The following ARHGEF10 variants were observed in gnomAD, a reference collection of about 807,000 sequenced individuals.
ARHGEF10 encodes Rho guanine nucleotide exchange factor (GEF) 10.
ARHGEF10 carries 140 observed loss-of-function variants against 147.4 expected under a neutral mutation model. The observed-to-expected ratio is 0.95, with a 90% CI of 0.83 to 1.09. ARHGEF10 has a LOEUF of 1.09. ARHGEF10 is among the 50% of genes least tolerant of loss of function. The pLI, the probability that ARHGEF10 is intolerant of heterozygous loss-of-function variation, is 0.00. For missense variants in ARHGEF10, 2,222 were observed against 1,752.7 expected (o/e 1.27, Z -4.78); for synonymous variants, 902 against 695.8 (o/e 1.30, Z -4.67).
At chr8:1,876,433 G>T (rs1260085084) in intron 7 of ARHGEF10, 138 bp from the exon 8 acceptor site, 15 of 920,414 alleles carry the variant, frequency 1.6e-5, no homozygotes, top group East Asian at 7.5e-5. Context: ...CAAGCCCGGG[G>T]CTCCGCAGGG....
chr8:1,874,005 C>T (rs776065013), intron 7 of ARHGEF10, among the ~76,000 whole-genome samples: 1 of 152,222 alleles, frequency 6.6e-6, no homozygotes, highest in African/African-American at 2.4e-5. Context: ...TAAGGGCCAA[C>T]GACAAGATTG....
chr8:1,879,171 C>G (rs965038594), intron 8 of ARHGEF10, among the ~76,000 whole-genome samples: 1 of 152,178 alleles, frequency 6.6e-6, no homozygotes, highest in East Asian at 1.9e-4. Context: ...TGCCCCGAGA[C>G]GAGCCAGTGG....
chr8:1,956,535 C>A (rs1029804853), intron 28 of ARHGEF10, among the ~76,000 whole-genome samples: 1 of 152,166 alleles, frequency 6.6e-6, no homozygotes, highest in African/African-American at 2.4e-5. Context: ...TTTAGAAAAT[C>A]ATTTTTAAAG....
Position 1,929,518 on chromosome 8 carries a change from C to A in ARHGEF10, c.3079+75C>A. ...GGACTGTGCATCCGGTTTAGCCTCC[C>A]CACCTCCCCACCGGCCTCCTGCCTC... On this transcript the variant is annotated intron_variant, in intron 25 of 28. Transcript: ENST00000349830. 4 of 1,498,174 alleles carry A rather than the reference C, an allele frequency of 2.7e-6. No individual in the cohort carries two copies. In the South Asian group the frequency reaches 4.0e-5, roughly 15 times the overall value. 92.8% of individuals were successfully genotyped at this position (1,498,174 alleles called of 1,614,324 possible).
chr8:1,934,551 A>T (rs1276449698), intron 26 of ARHGEF10, among the ~76,000 whole-genome samples: 1 of 152,178 alleles, frequency 6.6e-6, no homozygotes, highest in Non-Finnish European at 1.5e-5. Context: ...GACTTAGGGA[A>T]AATTTGCATT....
chr8:1,872,721 G>C (rs1294924250), intron 7 of ARHGEF10, among the ~76,000 whole-genome samples: 1 of 152,176 alleles, frequency 6.6e-6, no homozygotes. Flanking sequence ...GCTGAATTAA[G>C]GACGTGTTCT....
chr8:1,905,240 A>T (rs1445528841), intron 16 of ARHGEF10, among the ~76,000 whole-genome samples: 1 of 143,090 alleles, frequency 7.0e-6, no homozygotes, highest in Non-Finnish European at 1.5e-5. Context: ...TCAGTGAAGT[A>T]AAATATGGCC....
intron 12 of ARHGEF10, 89 bp from the exon 13 acceptor site, chr8:1,894,304 C>A: frequency 1.4e-6 from 2 of 1,384,350 alleles, no homozygotes; most frequent in East Asian, 4.7e-5. Flanking sequence ...GAGCCATGAT[C>A]GCACCACTGC....
At chr8:1,848,882 C>G (rs752405135) in intron 2 of ARHGEF10, among the ~76,000 whole-genome samples, 1 of 151,984 alleles carries the variant, frequency 6.6e-6, no homozygotes, top group Admixed American at 6.6e-5. Flanking sequence ...CCTGACAAAC[C>G]TAGGCAGCAC....
chr8:1,830,707 T>A (rs917335991), intron 1 of ARHGEF10, among the ~76,000 whole-genome samples: 1 of 152,124 alleles, frequency 6.6e-6, no homozygotes, highest in African/African-American at 2.4e-5. Context: ...AAAGATGATT[T>A]AAGAAGTAAA....
chr8:1,832,002 G>A (rs1803139791), intron 1 of ARHGEF10, among the ~76,000 whole-genome samples: 1 of 152,160 alleles, frequency 6.6e-6, no homozygotes, highest in African/African-American at 2.4e-5. Flanking sequence ...GGGTGTGGCC[G>A]CTGGGGACTG....
At chr8:1,941,434 G>C (rs1446259338) in intron 26 of ARHGEF10, among the ~76,000 whole-genome samples, 2 of 152,140 alleles carry the variant, frequency 1.3e-5, no homozygotes, top group African/African-American at 4.8e-5. Context: ...AAAACTACAA[G>C]ACATCATTCA....
intron 9 of ARHGEF10, among the ~76,000 whole-genome samples, chr8:1,881,818 G>T (rs775939381): frequency 6.6e-6 from 1 of 152,218 alleles, no homozygotes; most frequent in Non-Finnish European, 1.5e-5. Context: ...CAGCTGCACT[G>T]CTGGTCCCTT....
chr8:1,926,625 C>A, intron 23 of ARHGEF10, 162 bp downstream of exon 23: 1 of 714,082 alleles, frequency 1.4e-6, no homozygotes, highest in Non-Finnish European at 2.5e-6. Context: ...GGGAGCTGAT[C>A]ACTTTTGGAA....
intron 2 of ARHGEF10, among the ~76,000 whole-genome samples, chr8:1,855,809 A>G (rs1805508759): frequency 1.3e-5 from 2 of 152,124 alleles, no homozygotes; most frequent in African/African-American, 4.8e-5. Context: ...TGGAAATGAC[A>G]GTTGCATTTG....
At chr8:1,924,894 GT>G (rs1812568768) in intron 21 of ARHGEF10, among the ~76,000 whole-genome samples, 1 of 152,178 alleles carries the variant, frequency 6.6e-6, no homozygotes, top group Admixed American at 6.5e-5. Context: ...ATTATACCAT[GT>G]TTTAAAGTTT....
intron 13 of ARHGEF10, among the ~76,000 whole-genome samples, chr8:1,895,437 A>G (rs534792928): frequency 6.6e-6 from 1 of 152,352 alleles, no homozygotes; most frequent in African/African-American, 2.4e-5. Flanking sequence ...TAGTTTGTAT[A>G]TGTACTTGAT....
chr8:1,902,768 C>A (rs933331839), intron 15 of ARHGEF10, among the ~76,000 whole-genome samples: 2 of 152,220 alleles, frequency 1.3e-5, no homozygotes, highest in Non-Finnish European at 2.9e-5. Context: ...ACGATAGTGT[C>A]ATGCATCTTT....
intron 2 of ARHGEF10, among the ~76,000 whole-genome samples, chr8:1,849,472 C>G (rs1804829431): frequency 6.9e-6 from 1 of 144,346 alleles, no homozygotes; most frequent in Admixed American, 7.0e-5. Flanking sequence ...ACACAGACAG[C>G]AAATGCTGAG....
Sources: allele counts gnomAD v4.1 joint callset (sites outside exome capture counted in the v4.1 genomes callset), GRCh38; gene constraint gnomAD v4.1.1; transcripts MANE v1.5; gene names NCBI Gene and HGNC (gene_info 2026-07-23, HGNC 2026-07-21).